The following HDC variants were observed in gnomAD, a reference collection of about 807,000 sequenced individuals.
The protein encoded by HDC is histidine decarboxylase.
HDC carries 27 observed loss-of-function variants against 64.4 expected under a neutral mutation model. The ratio of observed to expected loss-of-function variants is 0.42; its 90% confidence interval spans 0.31 to 0.58. The LOEUF (loss-of-function observed/expected upper bound fraction) is 0.58. HDC is among the 20% of genes least tolerant of loss of function. The pLI is 0.16. For missense variants in HDC, 711 were observed against 833.9 expected (o/e 0.85, Z 1.81); for synonymous variants, 305 against 314.2 (o/e 0.97, Z 0.31).
chr15:50,248,105 A>G lies in HDC; in HGVS notation c.1140+140T>C. ...TGGTTAACAAAGAGAATCAAGTCCC[A>G]GGAGCTGAGGAACAGGCCCAGACAC... is the stretch of plus-strand genomic sequence containing the variant. On this transcript the variant is annotated intron_variant, in intron 10 of 11. Coordinates refer to ENST00000267845, the MANE Select transcript of HDC (RefSeq NM_002112.4). This position sits in a 1 kb window ranked among gnomAD's most constrained non-coding sequence, Gnocchi z 4.3. 4.3e-6 allele frequency: 3 copies of G among 696,938 alleles called. No individual in the cohort carries two copies. Among genetic ancestry groups the G allele is most frequent in the Non-Finnish European group, 7.9e-6 (3 of 380,812 alleles). 43.2% of individuals were successfully genotyped at this position (696,938 alleles called of 1,614,324 possible).
chr15:50,243,381 T>C, intron 10 of HDC, 137 bp from the exon 11 acceptor site: 2 of 711,588 alleles, frequency 2.8e-6, no homozygotes, highest in South Asian at 3.0e-5. Context: ...TGCCTCATTG[T>C]CATCTCCATT....
Position 50,243,233 on chromosome 15 carries a change from C to G in HDC, c.1152G>C (p.Met384Ile). 6.2e-7 allele frequency: 1 copy of G among 1,605,638 alleles called. No homozygotes were observed. The highest frequency in any genetic ancestry group is 8.5e-7 in the Non-Finnish European group (1 of 1,172,188). ...TGACCAGAGATTCAAAATATTTAGC[C>G]ATTTCAGTACCCTGGAATTGCAAGT... ...LQAHVRHGTE[M>I]AKYFESLVRN... The change falls in exon 11 of 12, where the codon ATG becomes ATC. Residue 384 changes from methionine to isoleucine, a missense_variant. Physicochemically the swap from Met to Ile is conservative, Grantham distance 10 (BLOSUM62 1). Around this residue, in one of 3 missense-constraint regions of HDC, gnomAD observed 483 missense variants for 540.9 expected, o/e 0.89. Coordinates refer to ENST00000267845, the MANE Select transcript of HDC (RefSeq NM_002112.4).
At position 50,254,191 on chromosome 15, in the gene HDC, C is replaced by T. The variant is rs772476286; in HGVS notation, c.659G>A (p.Arg220Gln). ...GATGGCCTTCTGAAGAGCTTCCCCTCGGAGTGAGAAGTTGTCATCCACAGG... is the reference window on the plus strand; with the variant it reads ...GATGGCCTTCTGAAGAGCTTCCCCTTGGAGTGAGAAGTTGTCATCCACAGG... ...FLPVDDNFSLRGEALQKAIEE... is the reference protein window; with the variant it reads ...FLPVDDNFSLQGEALQKAIEE... The change falls in exon 6 of 12, where the codon CGA becomes CAA. Residue 220 changes from arginine (R) to glutamine (Q), a missense_variant. Arg to Gln is a conservative substitution (Grantham distance 43, BLOSUM62 1). Around this residue, in one of 3 missense-constraint regions of HDC, gnomAD observed 3 missense variants for 16.8 expected, o/e 0.18. Transcript: ENST00000267845. 23 of 1,614,082 alleles carry T rather than the reference C, an allele frequency of 1.4e-5. No homozygotes were observed. The highest frequency in any genetic ancestry group is 2.7e-5 in the African/African-American group (2 of 74,934).
intron 10 of HDC, among the ~76,000 whole-genome samples, chr15:50,246,071 G>A (rs1228132290): frequency 6.6e-6 from 1 of 152,112 alleles, no homozygotes; most frequent in Non-Finnish European, 1.5e-5. Flanking sequence ...GTAGTAGAAA[G>A]CAGCCCAGAA....
intron 2 of HDC, among the ~76,000 whole-genome samples, chr15:50,261,450 AGGCTGAAT>A (rs1476378113): frequency 6.6e-6 from 1 of 152,170 alleles, no homozygotes; most frequent in Admixed American, 6.5e-5. Context: ...CTTGTGAAAT[AGGCTGAAT>A]GGTCAAAGAG....
chr15:50,257,557 G>C lies in HDC; in HGVS notation c.319-10C>G, dbSNP rs1397788895. The C allele has an allele frequency of 1.2e-6, 2 of 1,614,022 alleles. No individual in the cohort carries two copies. The highest frequency in any genetic ancestry group is 2.2e-5 in the South Asian group (2 of 91,078). On this transcript the variant is annotated splice_polypyrimidine_tract_variant and intron_variant, in intron 3 of 11. Transcript: ENST00000267845. ...ACGCAGGGCTGGATGCCTGAGAAAG[G>C]AAAAGGAACTTCAAACTGCACAGCC...
rs753478644 is a variant in HDC, at chr15:50,263,366, C to T, written c.73G>A (p.Val25Met). The T allele has an allele frequency of 1.9e-6, 3 of 1,614,214 alleles. No homozygotes were observed. The highest frequency in any genetic ancestry group is 2.2e-5 in the South Asian group (2 of 91,090). Residue 25 changes from valine to methionine, a missense_variant, in exon 2 of 12, where the codon GTG (valine) becomes ATG (methionine). Around this residue, in one of 3 missense-constraint regions of HDC, gnomAD observed 225 missense variants for 276.2 expected, o/e 0.81. Transcript: ENST00000267845. The stretch of plus-strand genomic sequence containing the variant: ...TCTGGCGTCACACGTCTCTCCCGCA[C>T]AGTGCTCAGGTACTGGCAGATGTAA... ...VDYICQYLST[V>M]RERRVTPDVQ...
At position 50,248,231 on chromosome 15, in the gene HDC, A is replaced by T. The variant is rs952867704; in HGVS notation, c.1140+14T>A. ...GGAACACAGGCTCAGCCCCCACAGC[A>T]GCATGCTACATACATGTCTGACATG... is the stretch of plus-strand genomic sequence containing the variant. On this transcript the variant is annotated intron_variant, in intron 10 of 11. Coordinates refer to ENST00000267845, the MANE Select transcript of HDC (RefSeq NM_002112.4). This position sits in a 1 kb window ranked among gnomAD's most constrained non-coding sequence, Gnocchi z 4.3. 3 of 1,563,196 alleles carry T rather than the reference A, an allele frequency of 1.9e-6. No homozygotes were observed. The highest frequency in any genetic ancestry group is 1.4e-5 in the African/African-American group (1 of 73,882).
rs377311498 is a variant in HDC, at chr15:50,252,624, C to T, written c.938G>A (p.Cys313Tyr). 3 of 1,614,138 alleles carry T rather than the reference C, an allele frequency of 1.9e-6. No individual in the cohort carries two copies. The highest frequency in any genetic ancestry group is 2.5e-6 in the Non-Finnish European group (3 of 1,180,032). The change falls in exon 8 of 12, where the codon TGT becomes TAT. Residue 313 changes from cysteine to tyrosine, a missense_variant. This residue lies in a region of HDC where 483 missense variants were observed against 540.9 expected (regional missense o/e 0.89). Coordinates refer to ENST00000267845, the MANE Select transcript of HDC (RefSeq NM_002112.4). Reference protein sequence around the residue: ...PSKWMMVHFDCTGFWVKDKYK... With the variant: ...PSKWMMVHFDYTGFWVKDKYK... The stretch of plus-strand genomic sequence containing the variant: ...CTGCTACACTCACCAGAACCCAGTA[C>T]AGTCAAAATGCACCATCATCCACTT...
chr15:50,251,545 G>A (rs1030458791), intron 9 of HDC, among the ~76,000 whole-genome samples: 2 of 152,190 alleles, frequency 1.3e-5, no homozygotes, highest in African/African-American at 4.8e-5. Context: ...CAGGTTATGT[G>A]TAATACATTC....
At chr15:50,245,854 C>T (rs1360614570) in intron 10 of HDC, among the ~76,000 whole-genome samples, 5 of 152,106 alleles carry the variant, frequency 3.3e-5, no homozygotes, top group African/African-American at 1.2e-4. Flanking sequence ...TCTGATGGCA[C>T]TACCGCACTT....
At chr15:50,250,128 G>A (rs1336002574) in intron 9 of HDC, among the ~76,000 whole-genome samples, 1 of 152,162 alleles carries the variant, frequency 6.6e-6, no homozygotes, top group Non-Finnish European at 1.5e-5. Flanking sequence ...AGAGAATCTA[G>A]CCCTGATTTT....
At chr15:50,247,173 C>T (rs138103564) in intron 10 of HDC, among the ~76,000 whole-genome samples, 23 of 152,080 alleles carry the variant, frequency 1.5e-4, no homozygotes, top group African/African-American at 5.5e-4. Flanking sequence ...TAATGTTAGG[C>T]GGCACAATAA....
intron 5 of HDC, 47 bp from the exon 6 acceptor site, chr15:50,254,320 A>G (rs780399156): frequency 9.9e-6 from 16 of 1,610,044 alleles, no homozygotes; most frequent in African/African-American, 1.3e-5. Context: ...TCCTGGAATG[A>G]TCACCCCCCA....
rs1595702171 is a variant in HDC at position 50,248,072 on chromosome 15, C to T, written c.1140+173G>A. On this transcript the variant is annotated intron_variant, in intron 10 of 11. Coordinates refer to ENST00000267845, the MANE Select transcript of HDC (RefSeq NM_002112.4). The surrounding 1 kb of genome is among the most constrained non-coding windows in gnomAD (Gnocchi z 4.3). Reference sequence around the variant, plus strand: ...AGCCCTCAGGGCATGTTGTGCTCAGCGCTCCTCTGGTTAACAAAGAGAATC... The same window carrying T: ...AGCCCTCAGGGCATGTTGTGCTCAGTGCTCCTCTGGTTAACAAAGAGAATC... 6.6e-6 allele frequency among the ~76,000 whole-genome samples: 1 copy of T among 152,198 alleles called. No individual in the cohort carries two copies. The highest frequency in any genetic ancestry group is 1.5e-5 in the Non-Finnish European group (1 of 68,042).
chr15:50,252,583 C>T (rs186474279), intron 8 of HDC, 29 bp downstream of exon 8: 14 of 1,614,150 alleles, frequency 8.7e-6, no homozygotes, highest in African/African-American at 6.7e-5. Context: ...GGCGTTCCTG[C>T]GTGCTCGGAG....
chr15:50,257,388 GC>G (rs753707680), intron 4 of HDC, 36 bp downstream of exon 4: 8 of 1,613,726 alleles, frequency 5.0e-6, no homozygotes, highest in African/African-American at 1.3e-5. Context: ...TCGCTACTTA[GC>G]CCCCAAGCTA....
At chr15:50,250,225 T>C (rs1289047402) in intron 9 of HDC, among the ~76,000 whole-genome samples, 1 of 152,238 alleles carries the variant, frequency 6.6e-6, no homozygotes, top group Non-Finnish European at 1.5e-5. Context: ...AGAGCAGGAC[T>C]GAGCTTCTGT....
Position 50,257,433 on chromosome 15 carries a change from C to T in HDC, c.433G>A (p.Val145Ile), listed in dbSNP as rs754422633. 2.5e-5 allele frequency: 40 copies of T among 1,614,120 alleles called. No individual in the cohort carries two copies. The highest frequency in any genetic ancestry group is 1.3e-4 in the Admixed American group (8 of 60,018). The change falls in exon 4 of 12, where the codon GTC becomes ATC. Residue 145 changes from valine (V) to isoleucine (I), a missense_variant. Val to Ile is a conservative substitution (Grantham distance 29). This residue lies in a region of HDC where 225 missense variants were observed against 276.2 expected (regional missense o/e 0.81). Coordinates refer to ENST00000267845, the MANE Select transcript of HDC (RefSeq NM_002112.4). The stretch of plus-strand genomic sequence containing the variant: ...TTTGCCAAGGGAGGTACCTGCAGGA[C>T]GCCTCCGCCCTGGCTGCTGGGGTGG... Reference protein sequence around the residue: ...HHHPSSQGGGVLQSTVSESTL... With the variant: ...HHHPSSQGGGILQSTVSESTL...
Sources: allele counts gnomAD v4.1 joint callset (sites outside exome capture counted in the v4.1 genomes callset), GRCh38; gene constraint gnomAD v4.1.1; regional missense constraint gnomAD v4.1.1; non-coding constraint Gnocchi (gnomAD v3.1); transcripts MANE v1.5; gene names NCBI Gene and HGNC (gene_info 2026-07-23, HGNC 2026-07-21).